LDLRAP1: variants seen among roughly 807,000 people sequenced by gnomAD.
LDLRAP1 encodes low density lipoprotein receptor adaptor protein 1, also known as low density lipoprotein receptor adapter protein 1.
Under a neutral mutation model 37.8 loss-of-function variants are expected in LDLRAP1, and 30 were observed. That is an observed-to-expected ratio of 0.79 (90% CI 0.59 to 1.08). LDLRAP1 has a LOEUF of 1.08. LDLRAP1 is among the 50% of genes least tolerant of loss of function. The pLI is 0.00. For synonymous variants in LDLRAP1, 156 were observed against 169.8 expected (o/e 0.92, Z 0.63); for missense variants, 375 against 401.6 (o/e 0.93, Z 0.57).
intron 1 of LDLRAP1, among the ~76,000 whole-genome samples, chr1:25,552,860 G>A (rs1304833299): frequency 6.6e-6 from 1 of 152,150 alleles, no homozygotes; most frequent in Non-Finnish European, 1.5e-5. Context: ...ACATTTGTGT[G>A]GTTGGTGCTT....
the LDLRAP1 span, among the ~76,000 whole-genome samples, chr1:25,588,318 T>A: frequency 1.3e-5 from 2 of 152,302 alleles, no homozygotes; most frequent in East Asian, 3.9e-4. Context: ...AATGCCTCTT[T>A]GCAGTTGAGA....
chr1:25,582,305 GT>G, the LDLRAP1 span, among the ~76,000 whole-genome samples: 2 of 152,190 alleles, frequency 1.3e-5, no homozygotes, highest in Non-Finnish European at 2.9e-5. Flanking sequence ...TGGTAGAATG[GT>G]CTGGGCGTGG....
intron 4 of LDLRAP1, among the ~76,000 whole-genome samples, chr1:25,561,227 A>G (rs976393393): frequency 6.6e-6 from 1 of 152,252 alleles, no homozygotes; most frequent in Admixed American, 6.5e-5. Flanking sequence ...AACTGGGTCT[A>G]TTAAACTTGA....
At chr1:25,580,231 G>C in the LDLRAP1 span, among the ~76,000 whole-genome samples, 1 of 152,152 alleles carries the variant, frequency 6.6e-6, no homozygotes, top group East Asian at 1.9e-4. Flanking sequence ...GTGAACATCA[G>C]CTTCTGCATG....
the LDLRAP1 span, among the ~76,000 whole-genome samples, chr1:25,582,211 C>T: frequency 9.9e-5 from 15 of 152,192 alleles, no homozygotes; most frequent in African/African-American, 3.1e-4. Flanking sequence ...CGTCCTTGGC[C>T]CACTGACTCC....
At position 25,567,254 on chromosome 1, in the gene LDLRAP1, G is replaced by A. The variant is rs1011323759; in HGVS notation, c.*262G>A. 12 of 535,030 alleles carry A rather than the reference G, an allele frequency of 2.2e-5. No individual in the cohort carries two copies. Among genetic ancestry groups the A allele is most frequent in the South Asian group, 9.9e-5 (5 of 50,692 alleles). 33.1% of individuals were successfully genotyped at this position (535,030 alleles called of 1,614,324 possible). A position where few individuals can be genotyped will look rare whatever the true frequency, so the allele number is the denominator to read the frequency against. The stretch of plus-strand genomic sequence containing the variant: ...TCAGAAGCCAGTCTGCGTCAGGCAC[G>A]TCTCCTGCTGCGTGACATGTGCAGT... On this transcript the variant is annotated 3_prime_UTR_variant, in exon 9 of 9. Transcript: ENST00000374338.
chr1:25,588,855 G>A, the LDLRAP1 span, among the ~76,000 whole-genome samples: 1 of 152,190 alleles, frequency 6.6e-6, no homozygotes, highest in Non-Finnish European at 1.5e-5. Flanking sequence ...CCGTCTTAAA[G>A]TGGGTCCGCC....
chr1:25,547,008 CAAATAA>C (rs1483598920), intron 1 of LDLRAP1, among the ~76,000 whole-genome samples: 2 of 151,414 alleles, frequency 1.3e-5, no homozygotes, highest in African/African-American at 2.4e-5. Context: ...GGTAGCAGGA[CAAATAA>C]AAATAAAGCA....
chr1:25,572,402 G>T (rs537635279), downstream of LDLRAP1, among the ~76,000 whole-genome samples: 5 of 152,266 alleles, frequency 3.3e-5, no homozygotes, highest in African/African-American at 1.2e-4. Context: ...AGGCACTCTG[G>T]GTCTCCGTCA....
the LDLRAP1 span, among the ~76,000 whole-genome samples, chr1:25,579,549 GCA>G: frequency 6.6e-6 from 1 of 152,206 alleles, no homozygotes; most frequent in Admixed American, 6.5e-5. Flanking sequence ...ATTGTTTTCA[GCA>G]CAGTTATAGA....
intron 4 of LDLRAP1, chr1:25,557,518 G>A (rs556392026): frequency 5.3e-6 from 3 of 566,104 alleles, no homozygotes; most frequent in East Asian, 6.0e-5. Flanking sequence ...GTGTGTCTGG[G>A]CCTGTTCTCT....
rs1404955689 is a variant in LDLRAP1, at chr1:25,544,011, A to C, written c.88+225A>C. ...GCCGCTGCGAGGAGGGGCAGCGCTG[A>C]GGAAGGAGCCCGAGCTCGGGGTCCT... On this transcript the variant is annotated intron_variant, in intron 1 of 8. Transcript: ENST00000374338. This position sits in a 1 kb window ranked among gnomAD's most constrained non-coding sequence, Gnocchi z 4.8. Among the ~76,000 whole-genome samples, 1 of 152,010 alleles carries C rather than the reference A, an allele frequency of 6.6e-6. No homozygotes were observed. The highest frequency in any genetic ancestry group is 1.9e-4 in the East Asian group (1 of 5,150).
At chr1:25,585,427 G>A in the LDLRAP1 span, among the ~76,000 whole-genome samples, 26 of 152,006 alleles carry the variant, frequency 1.7e-4, no homozygotes, top group East Asian at 3.3e-3. Flanking sequence ...CTGGGTTCAC[G>A]TCATTCTCCT....
At position 25,568,824 on chromosome 1, in the gene LDLRAP1, C is replaced by CT. The variant is rs2124706928; in HGVS notation, c.*1835dup. On this transcript the variant is annotated 3_prime_UTR_variant, in exon 9 of 9. Transcript: ENST00000374338. ...GTGTCTGCAGACAAGTCTTGCTGTG[C>CT]TTTATTTGTGAAACTTTAATGAGGA... 1 of 152,380 alleles carries CT rather than the reference C, an allele frequency of 6.6e-6. No individual in the cohort carries two copies. The highest frequency in any genetic ancestry group is 1.5e-5 in the Non-Finnish European group (1 of 68,040). The allele number at this position is 152,380 out of a possible 1,614,324, so 9.4% of individuals were successfully genotyped here.
rs114779017 is a variant in LDLRAP1 at position 25,553,888 on chromosome 1, G to C, written c.89-34G>C. 2.1e-5 allele frequency: 34 copies of C among 1,609,620 alleles called. No homozygotes were observed. The African/African-American group carries it at 4.3e-4, about 20-fold the overall frequency. On this transcript the variant is annotated intron_variant, in intron 1 of 8. Coordinates refer to ENST00000374338, the MANE Select transcript of LDLRAP1 (RefSeq NM_015627.3). ...TGTTGCTGGTGGTGGGCCCTGAGCC[G>C]CAGGGTCTGAGGGCCTACCCTGTGC...
the LDLRAP1 span, among the ~76,000 whole-genome samples, chr1:25,574,024 G>A: frequency 6.6e-5 from 10 of 152,342 alleles, no homozygotes; most frequent in South Asian, 2.1e-3. Context: ...GGGCGGTGGG[G>A]GGAAGGGGAG....
At chr1:25,553,587 C>T in intron 1 of LDLRAP1, 1 of 365,130 alleles carries the variant, frequency 2.7e-6, no homozygotes, top group South Asian at 2.5e-5. Context: ...CACGGTGGCT[C>T]ATGCCTGTAA....
At chr1:25,553,800 A>C in intron 1 of LDLRAP1, 122 bp from the exon 2 acceptor site, 4 of 890,878 alleles carry the variant, frequency 4.5e-6, no homozygotes, top group African/African-American at 1.7e-5. Context: ...GAGTGGCAGT[A>C]GTGGTGGGGG....
rs371107254 is a variant in LDLRAP1, at chr1:25,562,606, A to G, written c.460-38A>G. 3.2e-5 allele frequency: 51 copies of G among 1,582,794 alleles called. No individual in the cohort carries two copies. The African/African-American group carries it at 5.9e-4, about 18-fold the overall frequency. ...GTGCAGACTTGCTCTGCCCTGGCTG[A>G]CACTGCACCCCTCCCCATCCCCACT... On this transcript the variant is annotated intron_variant, in intron 4 of 8. Transcript: ENST00000374338.
Sources: gnomAD v4.1 joint callset for allele counts (sites outside exome capture counted in the v4.1 genomes callset) on GRCh38, gnomAD v4.1.1 for gene constraint, Gnocchi (gnomAD v3.1) non-coding constraint, MANE v1.5 for transcripts, NCBI Gene and HGNC (gene_info 2026-07-23, HGNC 2026-07-21) for gene names.